The following LTBP1 variants were observed in gnomAD, a reference collection of about 807,000 sequenced individuals.
LTBP1 encodes the protein latent-transforming growth factor beta-binding protein 1.
In LTBP1, 129 loss-of-function variants were observed where a neutral mutation model predicts 207.6. That is an observed-to-expected ratio of 0.62 (90% confidence interval 0.54 to 0.72). The LOEUF is 0.72. LTBP1 is among the 30% of genes least tolerant of loss of function. The pLI, the probability that LTBP1 is intolerant of heterozygous loss-of-function variation, is 0.00. For synonymous variants in LTBP1, 963 were observed against 833.7 expected (o/e 1.16, Z -2.67); for missense variants, 2,281 against 2,217.2 (o/e 1.03, Z -0.58).
intron 23 of LTBP1, 71 bp from the exon 24 acceptor site, chr2:33,315,073 C>T (rs2094246983): frequency 1.7e-6 from 2 of 1,209,450 alleles, no homozygotes; most frequent in Admixed American, 2.5e-5. Context: ...ATTTATTTGC[C>T]ATCTGTTTGA....
Position 33,072,928 on chromosome 2 carries a change from CTGTCA to C in LTBP1, c.864-37650_864-37646del, listed in dbSNP as rs1470522479. On this transcript the variant is annotated intron_variant, in intron 3 of 33. Transcript: ENST00000404816. The stretch of plus-strand genomic sequence containing the variant: ...TCAGAGGGGGCGAGGATATGTACTC[CTGTCA>C]TGTGTCCCGAGAGTAGAAGTCTGGA... Among the ~76,000 whole-genome samples the C allele has an allele frequency of 7.2e-5, 11 of 152,282 alleles. No individual in the cohort carries two copies. The East Asian group carries it at 1.5e-3, about 21-fold the overall frequency.
intron 2 of LTBP1, among the ~76,000 whole-genome samples, chr2:32,983,665 A>T (rs13409353): frequency 6.6e-6 from 1 of 152,274 alleles, no homozygotes; most frequent in Non-Finnish European, 1.5e-5. Context: ...GTGATAGTGA[A>T]TAAGTCTCAG....
chr2:33,254,166 T>A (rs561146625), intron 11 of LTBP1, among the ~76,000 whole-genome samples: 36 of 152,154 alleles, frequency 2.4e-4, no homozygotes, highest in African/African-American at 7.7e-4. Flanking sequence ...ACAGGGATGG[T>A]TCCACTCATT....
At chr2:33,308,474 C>T (rs1038617911) in intron 22 of LTBP1, among the ~76,000 whole-genome samples, 8 of 152,162 alleles carry the variant, frequency 5.3e-5, no homozygotes, top group East Asian at 1.9e-4. Context: ...CCTCTTCTTC[C>T]GACTCCCCCA....
At chr2:32,990,845 T>C (rs1244936728) in intron 2 of LTBP1, among the ~76,000 whole-genome samples, 3 of 152,222 alleles carry the variant, frequency 2.0e-5, no homozygotes, top group Non-Finnish European at 4.4e-5. Context: ...GATGTAAAAG[T>C]TTTCCATGAA....
At chr2:33,356,461 C>G (rs1397137352) in intron 26 of LTBP1, among the ~76,000 whole-genome samples, 1 of 152,066 alleles carries the variant, frequency 6.6e-6, no homozygotes, top group African/African-American at 2.4e-5. Context: ...GGGTGGATCA[C>G]GAGGTCAGGA....
chr2:32,979,487 G>A (rs1682421951), intron 2 of LTBP1, among the ~76,000 whole-genome samples: 1 of 151,956 alleles, frequency 6.6e-6, no homozygotes, highest in Admixed American at 6.5e-5. Flanking sequence ...ATTTCCATGT[G>A]TTTGTATAGT....
At chr2:33,056,645 A>T (rs1053851681) in intron 3 of LTBP1, 7 of 226,952 alleles carry the variant, frequency 3.1e-5, no homozygotes, top group Non-Finnish European at 8.7e-6. Context: ...TCTGATGTTC[A>T]GATGTGTTTG....
At chr2:33,111,645 G>A (rs758266183) in intron 4 of LTBP1, among the ~76,000 whole-genome samples, 6 of 152,118 alleles carry the variant, frequency 3.9e-5, no homozygotes, top group East Asian at 1.9e-4. Flanking sequence ...CCACCTCCCC[G>A]TTTCTGTACT....
intron 2 of LTBP1, among the ~76,000 whole-genome samples, chr2:32,984,125 G>T (rs56124108): frequency 0.1 from 15,785 of 152,206 alleles, 918 homozygotes; most frequent in Middle Eastern, 0.12. Flanking sequence ...CTTTAAGAAT[G>T]ACTTTTTTTG....
At chr2:33,352,120 CTATT>C (rs1330104208) in intron 26 of LTBP1, among the ~76,000 whole-genome samples, 1 of 151,842 alleles carries the variant, frequency 6.6e-6, no homozygotes, top group Non-Finnish European at 1.5e-5. Context: ...CTCCTTGTGT[CTATT>C]TATTTATTTA....
chr2:33,252,165 T>C (rs2092704373), intron 10 of LTBP1, among the ~76,000 whole-genome samples: 1 of 152,218 alleles, frequency 6.6e-6, no homozygotes, highest in Non-Finnish European at 1.5e-5. Flanking sequence ...TCATGTTCAC[T>C]GGCGTAGGGT....
chr2:33,377,024 C>G (rs145906730), intron 31 of LTBP1, among the ~76,000 whole-genome samples: 175 of 152,262 alleles, frequency 1.1e-3, no homozygotes, highest in African/African-American at 4.0e-3. Context: ...AAGCCACATT[C>G]CAGTTATGAT....
intron 3 of LTBP1, among the ~76,000 whole-genome samples, chr2:33,063,972 G>T (rs1558584470): frequency 6.6e-6 from 1 of 151,704 alleles, no homozygotes; most frequent in Non-Finnish European, 1.5e-5. Context: ...TCCTGCCTCA[G>T]CCTCCTGAGT....
At chr2:33,287,031 T>C (rs11684829) in intron 19 of LTBP1, among the ~76,000 whole-genome samples, 54,370 of 151,568 alleles carry the variant, frequency 0.36, 10,413 homozygotes, top group Admixed American at 0.42. Context: ...TGTATACATA[T>C]GTAACAAACC....
chr2:33,181,588 A>G (rs2086643594), intron 5 of LTBP1, among the ~76,000 whole-genome samples: 1 of 152,248 alleles, frequency 6.6e-6, no homozygotes. Flanking sequence ...TGTTAATTGC[A>G]GTAGTTCCCA....
Position 33,399,431 on chromosome 2 carries a change from C to T in LTBP1, c.*886C>T, listed in dbSNP as rs1451060453. The T allele has an allele frequency of 6.6e-6, 1 of 152,186 alleles. No homozygotes were observed. Among genetic ancestry groups the T allele is most frequent in the African/African-American group, 2.4e-5 (1 of 41,448 alleles). The allele number at this position is 152,186 out of a possible 1,614,324, so 9.4% of individuals were successfully genotyped here. A position where few individuals can be genotyped will look rare whatever the true frequency, so the allele number is the denominator to read the frequency against. ...TGTATCCCACTCTCCCCACTTTTAT[C>T]TTTTCCAGTGGTCTTCTGTTAATGT... is the stretch of plus-strand genomic sequence containing the variant. On this transcript the variant is annotated 3_prime_UTR_variant, in exon 34 of 34. Coordinates refer to ENST00000404816, the MANE Select transcript of LTBP1 (RefSeq NM_206943.4).
chr2:33,363,652 C>T lies in LTBP1; in HGVS notation c.4399+134C>T, dbSNP rs1043415999. 6.1e-6 allele frequency: 6 copies of T among 984,524 alleles called. No individual in the cohort carries two copies. In the East Asian group the frequency reaches 1.3e-4, roughly 21 times the overall value. 61.0% of individuals were successfully genotyped at this position (984,524 alleles called of 1,614,324 possible). Reference sequence around the variant, plus strand: ...AAAGATGTGTAAACGTTTTAGGGATCTTTTTCTTAAGCACAATTGAAGAAA... The same window carrying T: ...AAAGATGTGTAAACGTTTTAGGGATTTTTTTCTTAAGCACAATTGAAGAAA... On this transcript the variant is annotated intron_variant, in intron 29 of 33. Transcript: ENST00000404816.
At chr2:32,968,239 T>C (rs1680291778) in intron 2 of LTBP1, among the ~76,000 whole-genome samples, 1 of 152,240 alleles carries the variant, frequency 6.6e-6, no homozygotes. Context: ...GTGTAAGGAT[T>C]ACAGGCGTGA....
Sources: gnomAD v4.1 joint callset for allele counts (sites outside exome capture counted in the v4.1 genomes callset) on GRCh38, gnomAD v4.1.1 for gene constraint, MANE v1.5 for transcripts, NCBI Gene and HGNC (gene_info 2026-07-23, HGNC 2026-07-21) for gene names.